CSMD1: variants seen among roughly 807,000 people sequenced by gnomAD.
CSMD1 encodes CUB and sushi domain-containing protein 1.
A neutral mutation model predicts 417.5 loss-of-function variants in CSMD1; 213 were observed. That is an observed-to-expected ratio of 0.51 (90% CI 0.46 to 0.57). CSMD1 has a LOEUF of 0.57. CSMD1 is among the 20% of genes least tolerant of loss of function. The pLI is 0.00. For synonymous variants in CSMD1, 2,862 were observed against 1,736.8 expected (o/e 1.65, Z -16.11); for missense variants, 6,923 against 4,529.7 (o/e 1.53, Z -15.17).
rs371662725 is a variant in CSMD1, at chr8:4,401,669, T to C, written c.415+18284A>G. On this transcript the variant is annotated intron_variant, in intron 3 of 69. Transcript: ENST00000635120. Reference sequence around the variant, plus strand: ...GACCCTCCATCTCATTTTATTCTCATCCCAAATACCGGAAAAACTCACCTC... The same window carrying C: ...GACCCTCCATCTCATTTTATTCTCACCCCAAATACCGGAAAAACTCACCTC... 4.6e-5 allele frequency among the ~76,000 whole-genome samples: 7 copies of C among 152,092 alleles called. No individual in the cohort carries two copies. The East Asian group carries it at 1.2e-3, about 25-fold the overall frequency.
chr8:4,059,036 T>C lies in CSMD1; in HGVS notation c.416-26937A>G, dbSNP rs1221087372. ...ACCTATTCCAAAATTGACCATACAG[T>C]TGGAAGTAAAGCTCTCCTCAGCAAA... On this transcript the variant is annotated intron_variant, in intron 3 of 69. Coordinates refer to ENST00000635120, the MANE Select transcript of CSMD1 (RefSeq NM_033225.6). Among the ~76,000 whole-genome samples the C allele has an allele frequency of 3.3e-5, 5 of 152,132 alleles. No individual in the cohort carries two copies. The East Asian group carries it at 5.8e-4, about 18-fold the overall frequency.
rs141234949 is a variant in CSMD1, at chr8:3,523,154, T to C, written c.1345-29428A>G. 6.0e-3 allele frequency among the ~76,000 whole-genome samples: 907 copies of C among 152,230 alleles called. 7 individuals are homozygous for C. The highest frequency in any genetic ancestry group is 0.021 in the African/African-American group (871 of 41,538). On this transcript the variant is annotated intron_variant, in intron 10 of 69. Transcript: ENST00000635120. ...ACGTAGAAAATTGTCCTCCTTGGCA[T>C]TCCTCAAAGTAGATGCTGGGCTACT...
At chr8:3,224,916 G>A (rs558731615) in intron 27 of CSMD1, among the ~76,000 whole-genome samples, 5 of 152,272 alleles carry the variant, frequency 3.3e-5, no homozygotes, top group Admixed American at 1.3e-4. Flanking sequence ...GAGTTTAAAA[G>A]TTGTTTATAT....
intron 5 of CSMD1, among the ~76,000 whole-genome samples, chr8:3,942,643 G>C (rs557865119): frequency 6.6e-6 from 1 of 152,116 alleles, no homozygotes. Flanking sequence ...GTTAGCCTCA[G>C]TTTATCTTTA....
chr8:4,138,154 A>C (rs1468304336), intron 3 of CSMD1, among the ~76,000 whole-genome samples: 1 of 129,344 alleles, frequency 7.7e-6, no homozygotes, highest in Non-Finnish European at 1.5e-5. Context: ...TGACCTCATG[A>C]TCCTCCCACC....
At chr8:3,780,169 A>G (rs1359437986) in intron 5 of CSMD1, among the ~76,000 whole-genome samples, 5 of 152,222 alleles carry the variant, frequency 3.3e-5, no homozygotes, top group South Asian at 2.1e-4. Flanking sequence ...CACAAATCCA[A>G]TATGACAGGT....
intron 31 of CSMD1, among the ~76,000 whole-genome samples, chr8:3,204,756 A>G (rs1316553667): frequency 1.3e-5 from 2 of 152,232 alleles, no homozygotes; most frequent in African/African-American, 2.4e-5. Context: ...AGACATAAAT[A>G]AAAACCTTGA....
chr8:3,525,663 A>T (rs139962038), intron 10 of CSMD1, among the ~76,000 whole-genome samples: 111 of 152,282 alleles, frequency 7.3e-4, no homozygotes, highest in African/African-American at 2.6e-3. Context: ...GATAGCAATC[A>T]ATGGAATTAA....
At chr8:4,256,857 T>A (rs1033688216) in intron 3 of CSMD1, among the ~76,000 whole-genome samples, 1 of 152,176 alleles carries the variant, frequency 6.6e-6, no homozygotes, top group Admixed American at 6.5e-5. Context: ...AGAGTCACCA[T>A]CGCATAAAGG....
At chr8:3,512,680 C>G (rs62475767) in intron 10 of CSMD1, among the ~76,000 whole-genome samples, 1 of 149,666 alleles carries the variant, frequency 6.7e-6, no homozygotes, top group Non-Finnish European at 1.5e-5. Context: ...ATGATCTGGG[C>G]TCCCTGCAAC....
At chr8:3,522,643 A>ATTGCAGACT (rs1266166133) in intron 10 of CSMD1, among the ~76,000 whole-genome samples, 1 of 151,946 alleles carries the variant, frequency 6.6e-6, no homozygotes, top group Non-Finnish European at 1.5e-5. Context: ...GCAGTACTTT[A>ATTGCAGACT]TTGCAGACTT....
intron 3 of CSMD1, among the ~76,000 whole-genome samples, chr8:4,263,163 G>C (rs1312075714): frequency 6.6e-6 from 1 of 152,026 alleles, no homozygotes; most frequent in Admixed American, 6.6e-5. Context: ...TAAAAGCAAT[G>C]TTCTGACTAG....
At chr8:3,800,484 G>A (rs1357146007) in intron 5 of CSMD1, among the ~76,000 whole-genome samples, 2 of 152,098 alleles carry the variant, frequency 1.3e-5, no homozygotes, top group Non-Finnish European at 2.9e-5. Context: ...ATGCAAAAAT[G>A]CATTTGGATC....
intron 1 of CSMD1, among the ~76,000 whole-genome samples, chr8:4,916,349 G>A (rs1358349557): frequency 1.3e-5 from 2 of 152,156 alleles, no homozygotes; most frequent in African/African-American, 4.8e-5. Flanking sequence ...TTTAAATATG[G>A]CAAAACCCTT....
intron 5 of CSMD1, among the ~76,000 whole-genome samples, chr8:3,841,691 C>A (rs1393514359): frequency 2.0e-5 from 3 of 152,008 alleles, no homozygotes; most frequent in Non-Finnish European, 4.4e-5. Context: ...ATTTTAGAAC[C>A]TAGTGATTAT....
intron 3 of CSMD1, among the ~76,000 whole-genome samples, chr8:4,160,824 GAAGAA>G (rs1797115139): frequency 6.6e-6 from 1 of 152,156 alleles, no homozygotes; most frequent in East Asian, 1.9e-4. Flanking sequence ...CAGAAAAGAA[GAAGAA>G]AAGGAACTTG....
intron 3 of CSMD1, among the ~76,000 whole-genome samples, chr8:4,196,738 T>A (rs957430077): frequency 6.6e-6 from 1 of 152,166 alleles, no homozygotes; most frequent in Non-Finnish European, 1.5e-5. Flanking sequence ...GGATGGTCTC[T>A]ATCTCAAGAC....
At chr8:4,158,261 C>G (rs1233349807) in intron 3 of CSMD1, among the ~76,000 whole-genome samples, 1 of 151,960 alleles carries the variant, frequency 6.6e-6, no homozygotes, top group Non-Finnish European at 1.5e-5. Context: ...GCCAGCTCTG[C>G]AGACATCGGG....
intron 2 of CSMD1, among the ~76,000 whole-genome samples, chr8:4,455,571 G>C (rs921104809): frequency 5.3e-5 from 8 of 152,070 alleles, no homozygotes; most frequent in African/African-American, 1.7e-4. Context: ...TCCTGCTTGT[G>C]AGATCAAATT....
Sources: gnomAD v4.1 joint callset for allele counts (sites outside exome capture counted in the v4.1 genomes callset) on GRCh38, gnomAD v4.1.1 for gene constraint, MANE v1.5 for transcripts, NCBI Gene and HGNC (gene_info 2026-07-23, HGNC 2026-07-21) for gene names.